Variants in DTNBP1 observed in about 807,000 individuals in gnomAD.
DTNBP1 encodes dysbindin.
In DTNBP1, 35 loss-of-function variants were observed where a neutral mutation model predicts 42.8. That is an observed-to-expected ratio of 0.82 (90% CI 0.63 to 1.09). DTNBP1 has a LOEUF of 1.09. DTNBP1 is among the 50% of genes least tolerant of loss of function. The probability of loss-of-function intolerance (pLI) is 0.00; values close to 1 mark genes in which losing one functional copy is unlikely to be tolerated. For synonymous variants in DTNBP1, 171 were observed against 162.2 expected (o/e 1.05, Z -0.41); for missense variants, 457 against 424.2 (o/e 1.08, Z -0.68).
At chr6:15,610,869 A>C (rs1050796515) in intron 6 of DTNBP1, among the ~76,000 whole-genome samples, 1 of 152,264 alleles carries the variant, frequency 6.6e-6, no homozygotes, top group African/African-American at 2.4e-5. Context: ...TGGAATTTAA[A>C]GTAAGGAGTC....
intron 4 of DTNBP1, among the ~76,000 whole-genome samples, chr6:15,636,555 G>A (rs562484144): frequency 2.4e-4 from 37 of 152,266 alleles, no homozygotes; most frequent in African/African-American, 8.4e-4. Flanking sequence ...ATCAAGAAAC[G>A]AGGCTATGCC....
rs73724454 is a variant in DTNBP1 at position 15,639,885 on chromosome 6, C to T, written c.162-2081G>A. The stretch of plus-strand genomic sequence containing the variant: ...ACTCAGTGGGAAAGAGAAAATTAAT[C>T]CTCACTTGCCAAATTTAGACTCCAG... On this transcript the variant is annotated intron_variant, in intron 3 of 9. Coordinates refer to ENST00000344537, the MANE Select transcript of DTNBP1 (RefSeq NM_032122.5). Among the ~76,000 whole-genome samples the T allele has an allele frequency of 6.2e-3, 945 of 152,136 alleles. 15 individuals carry two copies. Among genetic ancestry groups the T allele is most frequent in the African/African-American group, 0.022 (906 of 41,488 alleles).
chr6:15,524,299 C>G, intron 9 of DTNBP1: 1 of 1,610,112 alleles, frequency 6.2e-7, no homozygotes, highest in African/African-American at 1.3e-5. Context: ...ACCAAAGTTA[C>G]CGGAGTGGAG....
Position 15,533,270 on chromosome 6 carries a change from T to C in DTNBP1, c.637A>G (p.Thr213Ala). ...FQQDMEQYLSTGYLQIAERRE... is the reference protein window; with the variant it reads ...FQQDMEQYLSAGYLQIAERRE... ...CGCTCTGCAATCTGCAGGTAGCCAG[T>C]GGACAGGTACTGCTCCATGTCCTGC... Residue 213 changes from threonine to alanine, a missense_variant, in exon 8 of 10, where the codon ACT (threonine) becomes GCT (alanine). By Grantham distance (58) the Thr-to-Ala change is moderately conservative. Transcript: ENST00000344537. 6.2e-7 allele frequency: 1 copy of C among 1,614,160 alleles called. No homozygotes were observed. The highest frequency in any genetic ancestry group is 1.7e-4 in the Middle Eastern group (1 of 6,044).
chr6:15,605,788 T>C (rs1203750109), intron 6 of DTNBP1, among the ~76,000 whole-genome samples: 1 of 152,220 alleles, frequency 6.6e-6, no homozygotes. Flanking sequence ...TGAATTAGAC[T>C]CGTATGGCTG....
At chr6:15,523,257 A>G (rs571453526) in intron 9 of DTNBP1, 38 bp from the exon 10 acceptor site, 28 of 1,612,894 alleles carry the variant, frequency 1.7e-5, no homozygotes, top group Non-Finnish European at 2.4e-5. Flanking sequence ...CCCTGTCATA[A>G]AAATATTGTG....
At chr6:15,538,080 T>C (rs575697583) in intron 7 of DTNBP1, among the ~76,000 whole-genome samples, 1 of 152,280 alleles carries the variant, frequency 6.6e-6, no homozygotes, top group South Asian at 2.1e-4. Flanking sequence ...GTACCTGCTC[T>C]GCACTCCCTA....
intron 8 of DTNBP1, among the ~76,000 whole-genome samples, chr6:15,532,803 G>A (rs1057331156): frequency 1.4e-5 from 2 of 146,936 alleles, no homozygotes; most frequent in Non-Finnish European, 1.5e-5. Flanking sequence ...GGGTTCAAGT[G>A]ATTCCCGTGC....
At chr6:15,554,898 A>T (rs910347361) in intron 7 of DTNBP1, among the ~76,000 whole-genome samples, 6 of 152,064 alleles carry the variant, frequency 3.9e-5, no homozygotes, top group Non-Finnish European at 7.4e-5. Context: ...ATGGGAAAAA[A>T]TGCTGGTCAG....
At chr6:15,532,494 T>C (rs538311328) in intron 8 of DTNBP1, among the ~76,000 whole-genome samples, 2 of 150,992 alleles carry the variant, frequency 1.3e-5, no homozygotes, top group African/African-American at 4.9e-5. Context: ...CTATGTAACA[T>C]GAAGAAAAGT....
At chr6:15,534,159 C>T (rs1773065836) in intron 7 of DTNBP1, among the ~76,000 whole-genome samples, 1 of 152,128 alleles carries the variant, frequency 6.6e-6, no homozygotes, top group Admixed American at 6.6e-5. Flanking sequence ...GAAGTGTGCT[C>T]TCAGGGCTGG....
chr6:15,634,367 A>G (rs1339702322), intron 4 of DTNBP1, among the ~76,000 whole-genome samples: 1 of 152,140 alleles, frequency 6.6e-6, no homozygotes, highest in African/African-American at 2.4e-5. Context: ...CCCAGCCTAG[A>G]GTGCGGTGGC....
chr6:15,625,709 C>T (rs1400921680), intron 5 of DTNBP1, among the ~76,000 whole-genome samples: 1 of 152,050 alleles, frequency 6.6e-6, no homozygotes, highest in East Asian at 1.9e-4. Flanking sequence ...AACAACTATC[C>T]GTAAACAGAT....
At position 15,662,992 on chromosome 6, in the gene DTNBP1, G is replaced by T; in HGVS notation, c.-123C>A. 7.2e-7 allele frequency: 1 copy of T among 1,389,222 alleles called. No homozygotes were observed. Among genetic ancestry groups the T allele is most frequent in the Non-Finnish European group, 9.9e-7 (1 of 1,006,706 alleles). The allele number at this position is 1,389,222 out of a possible 1,614,324, so 86.1% of individuals were successfully genotyped here. ...GCCCCGCACTCCCACTACCGGCCCC[G>T]CCCCCGGTCTGGTCCTCGCCGCCGC... On this transcript the variant is annotated 5_prime_UTR_variant, in exon 1 of 10. Transcript: ENST00000344537.
chr6:15,612,472 T>G (rs548596883), intron 6 of DTNBP1, among the ~76,000 whole-genome samples: 2 of 152,372 alleles, frequency 1.3e-5, no homozygotes, highest in South Asian at 4.1e-4. Flanking sequence ...TCAACATATC[T>G]TGATAGAAAA....
intron 7 of DTNBP1, among the ~76,000 whole-genome samples, chr6:15,585,064 AATATATATATATATATATATATATATAT>A (rs59261831): frequency 3.7e-4 from 44 of 119,584 alleles, no homozygotes; most frequent in East Asian, 1.1e-3. Flanking sequence ...TTATGAAAAG[AATATATATATATATATATATATATATAT>A]ATATATATAT....
intron 7 of DTNBP1, among the ~76,000 whole-genome samples, chr6:15,579,178 A>G (rs1018208380): frequency 6.6e-6 from 1 of 152,254 alleles, no homozygotes; most frequent in African/African-American, 2.4e-5. Context: ...GATAAAGAAA[A>G]TGTGGTATGT....
At chr6:15,595,458 G>C (rs1776480128) in intron 6 of DTNBP1, among the ~76,000 whole-genome samples, 1 of 151,592 alleles carries the variant, frequency 6.6e-6, no homozygotes, top group Non-Finnish European at 1.5e-5. Flanking sequence ...GTAGAGATGG[G>C]GTTTCACCAT....
At chr6:15,658,061 A>T (rs1285603991) in intron 1 of DTNBP1, among the ~76,000 whole-genome samples, 1 of 152,354 alleles carries the variant, frequency 6.6e-6, no homozygotes, top group East Asian at 1.9e-4. Context: ...GCACCAGTCT[A>T]GGGCATCTGG....
Sources: gnomAD v4.1 joint callset for allele counts (sites outside exome capture counted in the v4.1 genomes callset) on GRCh38, gnomAD v4.1.1 for gene constraint, MANE v1.5 for transcripts, NCBI Gene and HGNC (gene_info 2026-07-23, HGNC 2026-07-21) for gene names.